Variants in ARSK observed in about 807,000 individuals in gnomAD.
ARSK encodes the protein arylsulfatase family member K.
A neutral mutation model predicts 53.2 loss-of-function variants in ARSK; 37 were observed. The observed-to-expected ratio is 0.70, with a 90% CI of 0.54 to 0.92. The LOEUF (loss-of-function observed/expected upper bound fraction) is 0.92. Among genes scored for constraint, ARSK ranks in the 40% least tolerant of loss-of-function variants. The pLI is 0.00. For synonymous variants in ARSK, 208 were observed against 223.2 expected (o/e 0.93, Z 0.61); for missense variants, 613 against 643.0 (o/e 0.95, Z 0.51).
chr5:95,573,354 T>C (rs1748867821), intron 3 of ARSK, among the ~76,000 whole-genome samples: 1 of 152,142 alleles, frequency 6.6e-6, no homozygotes, highest in Non-Finnish European at 1.5e-5. Flanking sequence ...TAATAAAAAA[T>C]TTAATATTAA....
chr5:95,558,585 C>T (rs1232322258), intron 1 of ARSK, among the ~76,000 whole-genome samples: 1 of 152,142 alleles, frequency 6.6e-6, no homozygotes, highest in Non-Finnish European at 1.5e-5. Flanking sequence ...CATACAACAA[C>T]TGTATGTCAT....
chr5:95,583,914 C>T (rs1208269062), intron 4 of ARSK, among the ~76,000 whole-genome samples: 1 of 152,146 alleles, frequency 6.6e-6, no homozygotes, highest in Non-Finnish European at 1.5e-5. Flanking sequence ...GCCAATATCG[C>T]TTTCTGTGGG....
At chr5:95,598,592 C>T (rs1749349289) in intron 6 of ARSK, among the ~76,000 whole-genome samples, 1 of 152,182 alleles carries the variant, frequency 6.6e-6, no homozygotes, top group Non-Finnish European at 1.5e-5. Context: ...CCCTTACCCA[C>T]TTTTAGTCAA....
intron 7 of ARSK, among the ~76,000 whole-genome samples, chr5:95,601,469 C>T (rs1372663336): frequency 6.6e-6 from 1 of 152,156 alleles, no homozygotes; most frequent in East Asian, 1.9e-4. Context: ...AAGATAGTAC[C>T]ATTATCCTCA....
At chr5:95,597,912 G>A (rs1219751087) in intron 6 of ARSK, among the ~76,000 whole-genome samples, 1 of 147,370 alleles carries the variant, frequency 6.8e-6, no homozygotes, top group East Asian at 2.0e-4. Flanking sequence ...AAAGTGGGGG[G>A]CGGGTAATAG....
chr5:95,569,490 G>A (rs1342035281), intron 3 of ARSK, among the ~76,000 whole-genome samples: 1 of 152,074 alleles, frequency 6.6e-6, no homozygotes, highest in Non-Finnish European at 1.5e-5. Flanking sequence ...AGAGGAACAA[G>A]GACATAGGCA....
intron 5 of ARSK, 83 bp downstream of exon 5, chr5:95,586,816 CTT>C: frequency 8.2e-7 from 1 of 1,224,532 alleles, no homozygotes; most frequent in Non-Finnish European, 1.1e-6. Context: ...TGCTTGGTGA[CTT>C]TCTTACAAAG....
At chr5:95,584,453 C>T (rs1385821189) in intron 4 of ARSK, among the ~76,000 whole-genome samples, 1 of 152,160 alleles carries the variant, frequency 6.6e-6, no homozygotes. Context: ...ACTGTGATAA[C>T]TGAAATTCAT....
At chr5:95,598,210 C>G (rs1403218167) in intron 6 of ARSK, among the ~76,000 whole-genome samples, 1 of 152,092 alleles carries the variant, frequency 6.6e-6, no homozygotes, top group African/African-American at 2.4e-5. Context: ...GCGGTTACTT[C>G]TAGTCTGTGC....
rs1197564316 is a variant in ARSK, at chr5:95,604,429, T to A, written c.*903T>A. On this transcript the variant is annotated 3_prime_UTR_variant, in exon 8 of 8. Coordinates refer to ENST00000380009, the MANE Select transcript of ARSK (RefSeq NM_198150.3). ...GAAGCAAGTACCGAAACCACCTGCT[T>A]ACGCATTTTTAGAGATTGGCCACAA... is the stretch of plus-strand genomic sequence containing the variant. 6.6e-6 allele frequency: 1 copy of A among 152,226 alleles called. No homozygotes were observed. The highest frequency in any genetic ancestry group is 1.5e-5 in the Non-Finnish European group (1 of 68,040). 9.4% of individuals were successfully genotyped at this position (152,226 alleles called of 1,614,324 possible).
rs1311214227 is a variant in ARSK, at chr5:95,583,048, A to C, written c.549A>C (p.Ala183=). The change falls in exon 4 of 8, where the codon GCA becomes GCC. Residue 183 remains alanine, a synonymous_variant. Transcript: ENST00000380009. ...GGGATTGGCAGAATACAGACAAAGC[A>C]GTAAACTGGTTAAGAAAGGAAGCAA... The part of the protein sequence containing the change: ...MERDWQNTDK[A]VNWLRKEAIN... 6.2e-7 allele frequency: 1 copy of C among 1,613,918 alleles called. No homozygotes were observed. The highest frequency in any genetic ancestry group is 1.1e-5 in the South Asian group (1 of 91,066).
At chr5:95,587,342 A>G (rs1561367059) in intron 5 of ARSK, among the ~76,000 whole-genome samples, 1 of 152,206 alleles carries the variant, frequency 6.6e-6, no homozygotes, top group African/African-American at 2.4e-5. Context: ...TTTCCAGTTC[A>G]TGTGTGGAAA....
intron 3 of ARSK, among the ~76,000 whole-genome samples, chr5:95,568,815 C>T (rs1007810031): frequency 3.3e-5 from 5 of 151,992 alleles, no homozygotes; most frequent in Non-Finnish European, 7.4e-5. Context: ...TGGTTTATGC[C>T]GAATACCAGC....
intron 7 of ARSK, among the ~76,000 whole-genome samples, chr5:95,602,405 T>C (rs956027463): frequency 3.9e-5 from 6 of 152,224 alleles, no homozygotes; most frequent in Admixed American, 3.9e-4. Context: ...TTCTGTACTT[T>C]TTAGGGCTTA....
At chr5:95,568,569 T>C (rs1748770678) in intron 3 of ARSK, among the ~76,000 whole-genome samples, 1 of 152,224 alleles carries the variant, frequency 6.6e-6, no homozygotes, top group East Asian at 1.9e-4. Context: ...AGTCTGATCT[T>C]GGACACATTG....
intron 1 of ARSK, among the ~76,000 whole-genome samples, chr5:95,562,866 G>A (rs1308452410): frequency 6.6e-6 from 1 of 152,202 alleles, no homozygotes; most frequent in Non-Finnish European, 1.5e-5. Context: ...AGTTATAGAA[G>A]TTATAACAAA....
chr5:95,601,692 G>A (rs1749403826), intron 7 of ARSK, among the ~76,000 whole-genome samples: 2 of 152,244 alleles, frequency 1.3e-5, no homozygotes, highest in East Asian at 3.9e-4. Flanking sequence ...TCCCCATTTA[G>A]TACATAAAAT....
intron 6 of ARSK, 98 bp downstream of exon 6, chr5:95,591,723 C>T: frequency 3.6e-6 from 4 of 1,121,182 alleles, no homozygotes; most frequent in South Asian, 1.3e-5. Context: ...AGTCAGAGGT[C>T]CTGCTGACTT....
chr5:95,593,025 C>T (rs12189111), intron 6 of ARSK, among the ~76,000 whole-genome samples: 40,683 of 151,808 alleles, frequency 0.27, 7,691 homozygotes, highest in African/African-American at 0.54. Flanking sequence ...TTATATAGAA[C>T]TGTGTATATT....
Sources: allele counts gnomAD v4.1 joint callset (sites outside exome capture counted in the v4.1 genomes callset), GRCh38; gene constraint gnomAD v4.1.1; transcripts MANE v1.5; gene names NCBI Gene and HGNC (gene_info 2026-07-23, HGNC 2026-07-21).